RALA: variants seen among roughly 807,000 people sequenced by gnomAD.
The protein encoded by RALA is ras-related protein Ral-A.
RALA carries 5 observed loss-of-function variants against 24.0 expected under a neutral mutation model. The ratio of observed to expected loss-of-function variants is 0.21; its 90% CI spans 0.11 to 0.44. The LOEUF is 0.44. Ranked by LOEUF, RALA falls within the 20% of genes least tolerant of loss-of-function variation. The probability of loss-of-function intolerance (pLI) is 0.99; values close to 1 mark genes in which losing one functional copy is unlikely to be tolerated. For synonymous variants in RALA, 77 were observed against 83.8 expected, an observed-to-expected ratio of 0.92 and a Z score of 0.44; for missense variants, 95 against 241.2, an observed-to-expected ratio of 0.39 and a Z score of 4.01.
intron 4 of RALA, among the ~76,000 whole-genome samples, chr7:39,702,316 G>A (rs1459250341): frequency 6.6e-6 from 1 of 152,068 alleles, no homozygotes; most frequent in Non-Finnish European, 1.5e-5. Flanking sequence ...ATCTCTAAGG[G>A]AAAGTTTGCA....
At chr7:39,674,817 T>C (rs1222873803) in intron 1 of RALA, among the ~76,000 whole-genome samples, 1 of 144,754 alleles carries the variant, frequency 6.9e-6, no homozygotes, top group South Asian at 2.2e-4. Flanking sequence ...GGTAATTTTA[T>C]GCTTTTTTTT....
At chr7:39,688,958 A>G (rs905932628) in intron 2 of RALA, among the ~76,000 whole-genome samples, 1 of 152,088 alleles carries the variant, frequency 6.6e-6, no homozygotes, top group Admixed American at 6.5e-5. Flanking sequence ...GGGACAGGGG[A>G]GGGAGAGAGA....
In RALA at chr7:39,675,810, T is replaced by C. The variant is rs151133461; in HGVS notation, c.-37-10821T>C. Among the ~76,000 whole-genome samples the C allele has an allele frequency of 3.8e-4, 58 of 152,136 alleles. No individual in the cohort carries two copies. In the East Asian group the frequency reaches 9.5e-3, roughly 25 times the overall value. On this transcript the variant is annotated intron_variant, in intron 1 of 4. Transcript: ENST00000005257. Reference sequence around the variant, plus strand: ...ATGTATATTCTACCTCTTCTGAAATTGTTCATTTTATATTACCTGTGTTTT... The same window carrying C: ...ATGTATATTCTACCTCTTCTGAAATCGTTCATTTTATATTACCTGTGTTTT...
chr7:39,639,973 T>C (rs984696466), intron 1 of RALA, among the ~76,000 whole-genome samples: 9 of 147,272 alleles, frequency 6.1e-5, no homozygotes, highest in African/African-American at 2.2e-4. Flanking sequence ...TTTGAGAACC[T>C]GCTGTAGTCT....
intron 1 of RALA, among the ~76,000 whole-genome samples, chr7:39,641,895 CTG>C (rs1791824084): frequency 6.6e-6 from 1 of 152,128 alleles, no homozygotes; most frequent in Admixed American, 6.5e-5. Context: ...TCTTTGGATA[CTG>C]TGTGGAACTT....
chr7:39,693,803 A>G (rs1275459071), intron 3 of RALA, among the ~76,000 whole-genome samples: 1 of 152,194 alleles, frequency 6.6e-6, no homozygotes, highest in Non-Finnish European at 1.5e-5. Flanking sequence ...CATCACCCAG[A>G]TACCGTGCTT....
intron 1 of RALA, among the ~76,000 whole-genome samples, chr7:39,627,911 A>G (rs1791521507): frequency 6.6e-6 from 1 of 152,108 alleles, no homozygotes; most frequent in East Asian, 1.9e-4. Flanking sequence ...CCTTAATCTC[A>G]TATACAAAAC....
At chr7:39,677,029 A>G (rs932442719) in intron 1 of RALA, among the ~76,000 whole-genome samples, 1 of 152,236 alleles carries the variant, frequency 6.6e-6, no homozygotes, top group Admixed American at 6.5e-5. Context: ...GTTGGGCCAA[A>G]TGAATCACCA....
chr7:39,663,488 G>T (rs532312727), intron 1 of RALA, among the ~76,000 whole-genome samples: 1 of 152,220 alleles, frequency 6.6e-6, no homozygotes, highest in Admixed American at 6.5e-5. Context: ...TACTAGTGAT[G>T]CTGGAAGTGC....
chr7:39,661,187 C>T (rs1792182407), intron 1 of RALA, among the ~76,000 whole-genome samples: 1 of 152,194 alleles, frequency 6.6e-6, no homozygotes, highest in Non-Finnish European at 1.5e-5. Context: ...CGGGTCCCTA[C>T]CACAATACCT....
intron 1 of RALA, among the ~76,000 whole-genome samples, chr7:39,630,224 T>C (rs1791571158): frequency 6.7e-6 from 1 of 148,586 alleles, no homozygotes; most frequent in Admixed American, 6.7e-5. Context: ...TTTTTTTTTT[T>C]TTTTTTTTGT....
Position 39,662,684 on chromosome 7 carries a change from G to T in RALA, c.-37-23947G>T, listed in dbSNP as rs546909952. On this transcript the variant is annotated intron_variant, in intron 1 of 4. Transcript: ENST00000005257. Reference sequence around the variant, plus strand: ...TCTATATATCATTATCAGCATTTGAGTCCAAGCCATTCAACAAGTCTGTAG... The same window carrying T: ...TCTATATATCATTATCAGCATTTGATTCCAAGCCATTCAACAAGTCTGTAG... Among the ~76,000 whole-genome samples, 4 of 152,286 alleles carry T rather than the reference G, an allele frequency of 2.6e-5. No individual in the cohort carries two copies. In the South Asian group the frequency reaches 8.3e-4, roughly 32 times the overall value.
chr7:39,625,899 A>G (rs1791477528), intron 1 of RALA, among the ~76,000 whole-genome samples: 1 of 152,250 alleles, frequency 6.6e-6, no homozygotes. Context: ...TCTACAGAAC[A>G]TAAATACATG....
intron 1 of RALA, among the ~76,000 whole-genome samples, chr7:39,643,666 G>A (rs1791872255): frequency 1.5e-5 from 2 of 137,540 alleles, no homozygotes; most frequent in Admixed American, 7.6e-5. Context: ...GACCAGCCCG[G>A]CCTACATATC....
chr7:39,628,807 A>G (rs1562605248), intron 1 of RALA, among the ~76,000 whole-genome samples: 1 of 152,174 alleles, frequency 6.6e-6, no homozygotes, highest in Non-Finnish European at 1.5e-5. Flanking sequence ...CATGTGCCTC[A>G]GCCTCCCAAA....
At chr7:39,664,497 A>G (rs1202103337) in intron 1 of RALA, among the ~76,000 whole-genome samples, 1 of 152,142 alleles carries the variant, frequency 6.6e-6, no homozygotes, top group Non-Finnish European at 1.5e-5. Context: ...TCTACTTGCC[A>G]CCAAACACTA....
chr7:39,695,456 G>C (rs144420756), intron 3 of RALA, among the ~76,000 whole-genome samples: 3 of 151,086 alleles, frequency 2.0e-5, no homozygotes, highest in Non-Finnish European at 4.4e-5. Context: ...CTGTCATCCA[G>C]GCTAGAGTAC....
At chr7:39,683,840 A>AAC (rs71964842) in intron 1 of RALA, among the ~76,000 whole-genome samples, 3,849 of 148,018 alleles carry the variant, frequency 0.026, 86 homozygotes, top group African/African-American at 0.064. Context: ...TTTTCTTTTG[A>AAC]ACACACACAC....
At chr7:39,681,725 A>G (rs1792606831) in intron 1 of RALA, among the ~76,000 whole-genome samples, 1 of 152,070 alleles carries the variant, frequency 6.6e-6, no homozygotes, top group Non-Finnish European at 1.5e-5. Flanking sequence ...AAGAAAGCTC[A>G]TGCCATTTTG....
Sources: gnomAD v4.1 joint callset for allele counts (sites outside exome capture counted in the v4.1 genomes callset) on GRCh38, gnomAD v4.1.1 for gene constraint, MANE v1.5 for transcripts, NCBI Gene and HGNC (gene_info 2026-07-23, HGNC 2026-07-21) for gene names.